VAT1L: variants seen among roughly 807,000 people sequenced by gnomAD.
VAT1L encodes the protein putative NADPH-dependent quinone oxidoreductase VAT1L.
VAT1L carries 34 observed loss-of-function variants against 44.1 expected under a neutral mutation model. The observed-to-expected ratio is 0.77, with a 90% CI of 0.59 to 1.03. The LOEUF (loss-of-function observed/expected upper bound fraction) is 1.03, where lower values mean the gene tolerates loss of function less well. Ranked by LOEUF, VAT1L falls within the 50% of genes least tolerant of loss-of-function variation. The probability of loss-of-function intolerance (pLI) is 0.00; values close to 1 mark genes in which losing one functional copy is unlikely to be tolerated. For synonymous variants in VAT1L, 253 were observed against 202.2 expected, an observed-to-expected ratio of 1.25 and a Z score of -2.13; for missense variants, 615 against 538.8, an observed-to-expected ratio of 1.14 and a Z score of -1.40.
chr16:77,893,836 T>G (rs990983049), intron 7 of VAT1L, among the ~76,000 whole-genome samples: 8 of 152,188 alleles, frequency 5.3e-5, no homozygotes, highest in Non-Finnish European at 1.0e-4. Context: ...TAGAAGTTTT[T>G]GGAAAGGTAT....
intron 4 of VAT1L, among the ~76,000 whole-genome samples, chr16:77,868,165 T>G (rs1188509708): frequency 1.3e-5 from 2 of 152,212 alleles, no homozygotes; most frequent in Non-Finnish European, 1.5e-5. Flanking sequence ...AATAAAGTGT[T>G]GAAAACCTCG....
intron 3 of VAT1L, among the ~76,000 whole-genome samples, chr16:77,851,537 C>T (rs149525381): frequency 1.1e-3 from 166 of 152,142 alleles, no homozygotes; most frequent in African/African-American, 3.7e-3. Context: ...CCTGTAGTTC[C>T]AGCTATATGA....
intron 7 of VAT1L, among the ~76,000 whole-genome samples, chr16:77,962,259 A>G (rs2018167707): frequency 6.6e-6 from 1 of 152,154 alleles, no homozygotes; most frequent in African/African-American, 2.4e-5. Context: ...GTAGTGGGAA[A>G]AAGTCCTCAT....
At chr16:77,908,144 C>T (rs2017457685) in intron 7 of VAT1L, among the ~76,000 whole-genome samples, 1 of 151,450 alleles carries the variant, frequency 6.6e-6, no homozygotes, top group African/African-American at 2.4e-5. Flanking sequence ...GAGGGTGAGG[C>T]AGGAGAATGG....
chr16:77,847,367 G>A (rs561217623), intron 3 of VAT1L, among the ~76,000 whole-genome samples: 5 of 152,092 alleles, frequency 3.3e-5, no homozygotes, highest in Non-Finnish European at 4.4e-5. Context: ...CCTCTCCCCC[G>A]GTCTTCCCGT....
chr16:77,927,742 G>A (rs1191731943), intron 7 of VAT1L, among the ~76,000 whole-genome samples: 6 of 151,922 alleles, frequency 3.9e-5, no homozygotes, highest in Admixed American at 6.6e-5. Context: ...GGTGGCACAC[G>A]CCTGTAGTCC....
At chr16:77,904,006 G>GCCTCCC (rs2017412725) in intron 7 of VAT1L, among the ~76,000 whole-genome samples, 1 of 151,970 alleles carries the variant, frequency 6.6e-6, no homozygotes. Flanking sequence ...AAAGTTCTGA[G>GCCTCCC]ATTACAGGTA....
At chr16:77,822,334 A>G (rs2016465394) in intron 2 of VAT1L, among the ~76,000 whole-genome samples, 2 of 152,078 alleles carry the variant, frequency 1.3e-5, no homozygotes, top group African/African-American at 2.4e-5. Flanking sequence ...GGGTTTCTCC[A>G]TACTGATCAG....
intron 2 of VAT1L, among the ~76,000 whole-genome samples, chr16:77,823,000 C>A (rs934181199): frequency 6.6e-6 from 1 of 152,096 alleles, no homozygotes; most frequent in Admixed American, 6.5e-5. Context: ...CTCCTCATTA[C>A]CCAGGTCTGA....
intron 4 of VAT1L, among the ~76,000 whole-genome samples, chr16:77,873,827 G>A (rs1053980041): frequency 1.3e-5 from 2 of 152,276 alleles, no homozygotes; most frequent in African/African-American, 4.8e-5. Context: ...GGCTGTCCAG[G>A]CAGAGATGAC....
At chr16:77,837,782 G>A (rs112407260) in intron 3 of VAT1L, among the ~76,000 whole-genome samples, 11 of 152,288 alleles carry the variant, frequency 7.2e-5, no homozygotes, top group African/African-American at 2.6e-4. Context: ...AATACGTATT[G>A]TATCCTTATT....
chr16:77,945,834 G>A lies in VAT1L; in HGVS notation c.1078-26016G>A, dbSNP rs192439331. ...TTTCTTTTTTTTGAGACAAAGTCTC[G>A]CTCTGTCGCCCAGGCTGGAGTGCAG... On this transcript the variant is annotated intron_variant, in intron 7 of 8. Coordinates refer to ENST00000302536, the MANE Select transcript of VAT1L (RefSeq NM_020927.3). Among the ~76,000 whole-genome samples the A allele has an allele frequency of 9.6e-4, 138 of 144,486 alleles. 1 individual carries two copies. The highest frequency in any genetic ancestry group is 1.5e-3 in the Non-Finnish European group (97 of 66,830). 94.8% of individuals were successfully genotyped at this position (144,486 alleles called of 152,430 possible).
At chr16:77,801,155 C>G (rs2016042779) in intron 1 of VAT1L, 1 of 152,026 alleles carries the variant, frequency 6.6e-6, no homozygotes, top group Non-Finnish European at 1.5e-5. Flanking sequence ...TGGGTACTTT[C>G]CAAGTTCCAC....
At chr16:77,899,989 A>G (rs1040176787) in intron 7 of VAT1L, among the ~76,000 whole-genome samples, 2 of 152,224 alleles carry the variant, frequency 1.3e-5, no homozygotes, top group Non-Finnish European at 2.9e-5. Context: ...TTTACTTCCC[A>G]AGCTACACCG....
intron 3 of VAT1L, among the ~76,000 whole-genome samples, chr16:77,850,161 C>T (rs926020786): frequency 1.3e-5 from 2 of 152,172 alleles, no homozygotes; most frequent in Non-Finnish European, 2.9e-5. Context: ...GTACAAATCC[C>T]CGTGTGTAGG....
At chr16:77,967,245 C>A (rs1014275807) in intron 7 of VAT1L, among the ~76,000 whole-genome samples, 2 of 152,136 alleles carry the variant, frequency 1.3e-5, no homozygotes, top group Non-Finnish European at 2.9e-5. Context: ...GAGGCAAGAA[C>A]CTTGGATGTT....
intron 3 of VAT1L, among the ~76,000 whole-genome samples, chr16:77,828,259 C>T (rs1220053164): frequency 6.6e-6 from 1 of 152,174 alleles, no homozygotes; most frequent in Non-Finnish European, 1.5e-5. Flanking sequence ...CTGTATGTTG[C>T]CTTACCTGGC....
intron 2 of VAT1L, among the ~76,000 whole-genome samples, chr16:77,821,862 G>A (rs1006214379): frequency 2.0e-5 from 3 of 152,258 alleles, no homozygotes; most frequent in South Asian, 4.1e-4. Context: ...AAGTTTTGGA[G>A]AAAAGAACAT....
intron 7 of VAT1L, among the ~76,000 whole-genome samples, chr16:77,900,484 C>G (rs1463355208): frequency 6.6e-6 from 1 of 151,960 alleles, no homozygotes; most frequent in African/African-American, 2.4e-5. Context: ...CAGGTTAGGT[C>G]AGCAGTTTGA....
Sources: allele counts gnomAD v4.1 joint callset (sites outside exome capture counted in the v4.1 genomes callset), GRCh38; gene constraint gnomAD v4.1.1; transcripts MANE v1.5; gene names NCBI Gene and HGNC (gene_info 2026-07-23, HGNC 2026-07-21).